KALRN: variants seen among roughly 807,000 people sequenced by gnomAD.
KALRN encodes the protein kalirin.
Under a neutral mutation model 353.7 loss-of-function variants are expected in KALRN, and 70 were observed. The ratio of observed to expected loss-of-function variants is 0.20; its 90% CI spans 0.16 to 0.24. KALRN has a LOEUF of 0.24. Ranked by LOEUF, KALRN falls within the 10% of genes least tolerant of loss-of-function variation. The pLI is 1.00. For missense variants in KALRN, 2,791 were observed against 3,756.7 expected, an observed-to-expected ratio of 0.74 and a Z score of 6.72; for synonymous variants, 1,391 against 1,434.8, an observed-to-expected ratio of 0.97 and a Z score of 0.69.
At chr3:124,681,416 T>C (rs1283205604) in intron 51 of KALRN, among the ~76,000 whole-genome samples, 1 of 152,164 alleles carries the variant, frequency 6.6e-6, no homozygotes, top group African/African-American at 2.4e-5. Flanking sequence ...ATTAGAATAT[T>C]CGTGCTGAAC....
chr3:124,589,179 A>G (rs1443579086), intron 34 of KALRN, among the ~76,000 whole-genome samples: 10 of 152,232 alleles, frequency 6.6e-5, no homozygotes, highest in Admixed American at 6.5e-4. Context: ...GACTTGACGT[A>G]AATATCTCTT....
At chr3:124,556,685 C>A (rs1223495827) in intron 33 of KALRN, among the ~76,000 whole-genome samples, 2 of 152,160 alleles carry the variant, frequency 1.3e-5, no homozygotes, top group Admixed American at 6.5e-5. Context: ...TTCCCCATTA[C>A]CTTTGTTGAT....
At chr3:124,384,818 A>T in intron 10 of KALRN, 27 bp from the exon 11 acceptor site, 1 of 1,551,928 alleles carries the variant, frequency 6.4e-7, no homozygotes, top group Non-Finnish European at 8.8e-7. Flanking sequence ...CTGCAACTTG[A>T]CTTTGCCTCA....
At position 124,492,815 on chromosome 3, in the gene KALRN, A is replaced by G. The variant is rs1260633172; in HGVS notation, c.4765A>G (p.Lys1589Glu). Residue 1589 changes from lysine (K) to glutamate (E), a missense_variant, in exon 32 of 60, where the codon AAA (lysine) becomes GAA (glutamate). By Grantham distance (56) the Lys-to-Glu change is moderately conservative. Coordinates refer to ENST00000682506, the MANE Select transcript of KALRN (RefSeq NM_001388419.1). ...EVIQERIIHL[K>E]GALKEPLQLP... is the part of the protein sequence containing the mutation. Reference sequence around the variant, plus strand: ...GATTCAAGAAAGGATCATTCACCTGAAAGGAGCTTTAAAGGAGCCACTTCA... The same window carrying G: ...GATTCAAGAAAGGATCATTCACCTGGAAGGAGCTTTAAAGGAGCCACTTCA... 2 of 1,614,150 alleles carry G rather than the reference A, an allele frequency of 1.2e-6. No homozygotes were observed. Among genetic ancestry groups the G allele is most frequent in the Admixed American group, 1.7e-5 (1 of 60,024 alleles).
chr3:124,286,367 C>A (rs1474094819), intron 5 of KALRN, among the ~76,000 whole-genome samples: 1 of 151,654 alleles, frequency 6.6e-6, no homozygotes, highest in Non-Finnish European at 1.5e-5. Context: ...ACCTCAGCCT[C>A]CCGAGTAGCT....
At chr3:124,242,414 T>C (rs867752402) in intron 3 of KALRN, among the ~76,000 whole-genome samples, 2 of 152,250 alleles carry the variant, frequency 1.3e-5, no homozygotes, top group African/African-American at 4.8e-5. Flanking sequence ...TGGAGCCAGA[T>C]GGTCTAGCAC....
chr3:124,209,032 T>C (rs2076674574), intron 1 of KALRN, among the ~76,000 whole-genome samples: 1 of 151,936 alleles, frequency 6.6e-6, no homozygotes, highest in South Asian at 2.1e-4. Flanking sequence ...AATAAGGGGA[T>C]AGTAAAAGCC....
chr3:124,494,889 C>G (rs1451215472), intron 32 of KALRN, among the ~76,000 whole-genome samples: 2 of 152,220 alleles, frequency 1.3e-5, no homozygotes, highest in African/African-American at 4.8e-5. Context: ...CCACAAGCAG[C>G]ATCAGGGTAT....
intron 10 of KALRN, among the ~76,000 whole-genome samples, chr3:124,383,948 G>A (rs965309386): frequency 5.3e-5 from 8 of 152,040 alleles, no homozygotes; most frequent in African/African-American, 1.9e-4. Flanking sequence ...GCCAACTCTA[G>A]GGATACTTAG....
intron 38 of KALRN, 98 bp from the exon 39 acceptor site, chr3:124,655,503 G>A (rs1418500461): frequency 1.1e-6 from 1 of 907,702 alleles, no homozygotes; most frequent in Admixed American, 1.8e-5. Context: ...AAGGGGTCTT[G>A]TTATAAAGGT....
At chr3:124,595,862 C>T (rs531542451) in intron 34 of KALRN, among the ~76,000 whole-genome samples, 1 of 152,148 alleles carries the variant, frequency 6.6e-6, no homozygotes, top group South Asian at 2.1e-4. Context: ...TAAGCGAATG[C>T]CTTTAATTCA....
chr3:124,133,244 C>G (rs528431061), intron 1 of KALRN, among the ~76,000 whole-genome samples: 43 of 152,232 alleles, frequency 2.8e-4, no homozygotes, highest in African/African-American at 1.0e-3. Flanking sequence ...CAACTCCATT[C>G]GGGAAAATCT....
intron 31 of KALRN, among the ~76,000 whole-genome samples, chr3:124,492,050 G>A (rs1379574516): frequency 6.6e-6 from 1 of 152,126 alleles, no homozygotes; most frequent in African/African-American, 2.4e-5. Context: ...TAATGCAGAT[G>A]ATGAAGTTCC....
intron 25 of KALRN, among the ~76,000 whole-genome samples, chr3:124,470,202 G>A (rs1430784144): frequency 6.6e-6 from 1 of 152,176 alleles, no homozygotes; most frequent in East Asian, 1.9e-4. Flanking sequence ...CAAATGACTT[G>A]CTTTGCTCAT....
chr3:124,664,363 G>GCA (rs2085290876), intron 45 of KALRN, among the ~76,000 whole-genome samples: 1 of 120,198 alleles, frequency 8.3e-6, no homozygotes, highest in Non-Finnish European at 1.8e-5. Flanking sequence ...GTGTGTGTGT[G>GCA]TGTGTGTGCG....
At chr3:124,093,936 C>T (rs921023351) in intron 1 of KALRN, among the ~76,000 whole-genome samples, 4 of 151,972 alleles carry the variant, frequency 2.6e-5, no homozygotes, top group African/African-American at 9.7e-5. Context: ...GATAGAAAAC[C>T]GTGGGATGTA....
At chr3:124,314,743 AC>A (rs1257898356) in intron 6 of KALRN, among the ~76,000 whole-genome samples, 4 of 152,130 alleles carry the variant, frequency 2.6e-5, no homozygotes, top group African/African-American at 7.2e-5. Context: ...TGCAGCCTCA[AC>A]CTCCAGGGCT....
chr3:124,581,305 A>T (rs1393402166), intron 34 of KALRN, among the ~76,000 whole-genome samples: 1 of 151,408 alleles, frequency 6.6e-6, no homozygotes, highest in Non-Finnish European at 1.5e-5. Context: ...ATGCAGGAGA[A>T]TTGCTTGAAC....
intron 37 of KALRN, among the ~76,000 whole-genome samples, chr3:124,650,453 T>C (rs1559768255): frequency 6.6e-6 from 1 of 152,250 alleles, no homozygotes; most frequent in Non-Finnish European, 1.5e-5. Context: ...AGTACCATAT[T>C]CACCCTTTTC....
Sources: allele counts gnomAD v4.1 joint callset (sites outside exome capture counted in the v4.1 genomes callset), GRCh38; gene constraint gnomAD v4.1.1; transcripts MANE v1.5; gene names NCBI Gene and HGNC (gene_info 2026-07-23, HGNC 2026-07-21).